The following ITGA9 variants were observed in gnomAD, a reference collection of about 807,000 sequenced individuals.
The protein encoded by ITGA9 is integrin subunit alpha 9, also known as integrin alpha-9.
Under a neutral mutation model 127.8 loss-of-function variants are expected in ITGA9, and 56 were observed. The ratio of observed to expected loss-of-function variants is 0.44; its 90% CI spans 0.35 to 0.55. The LOEUF is 0.55. Among genes scored for constraint, ITGA9 ranks in the 20% least tolerant of loss-of-function variants. ITGA9 has a pLI of 0.00. For synonymous variants in ITGA9, 508 were observed against 514.5 expected (o/e 0.99, Z 0.17); for missense variants, 1,196 against 1,347.1 (o/e 0.89, Z 1.76).
chr3:37,510,226 G>C (rs1278333963), intron 8 of ITGA9, among the ~76,000 whole-genome samples: 2 of 151,760 alleles, frequency 1.3e-5, no homozygotes, highest in African/African-American at 2.4e-5. Flanking sequence ...GCTGGTCTCA[G>C]ACTCCTGGGC....
At chr3:37,640,038 C>T (rs917981333) in intron 16 of ITGA9, among the ~76,000 whole-genome samples, 2 of 152,168 alleles carry the variant, frequency 1.3e-5, no homozygotes, top group East Asian at 3.8e-4. Flanking sequence ...CATCAGCAGG[C>T]CCCCAAAGAG....
chr3:37,676,336 C>T (rs1277362687), intron 17 of ITGA9, among the ~76,000 whole-genome samples: 1 of 152,156 alleles, frequency 6.6e-6, no homozygotes, highest in Admixed American at 6.5e-5. Flanking sequence ...ATTTTAAGCG[C>T]TCAAATGCCA....
chr3:37,794,186 C>T (rs937715820), intron 26 of ITGA9, among the ~76,000 whole-genome samples: 2 of 152,244 alleles, frequency 1.3e-5, no homozygotes, highest in African/African-American at 2.4e-5. Context: ...CTAGGCACTA[C>T]AACTTCCATC....
At chr3:37,510,758 T>C (rs1204690294) in intron 8 of ITGA9, among the ~76,000 whole-genome samples, 1 of 152,132 alleles carries the variant, frequency 6.6e-6, no homozygotes, top group Non-Finnish European at 1.5e-5. Flanking sequence ...CATTTGACTT[T>C]TTCTTTTCTT....
intron 21 of ITGA9, 132 bp downstream of exon 21, chr3:37,741,951 A>G: frequency 1.4e-6 from 1 of 734,248 alleles, no homozygotes; most frequent in Non-Finnish European, 2.5e-6. Flanking sequence ...CAGCCTTGAA[A>G]AGCAGGATGA....
At chr3:37,453,766 GTGGA>G (rs774422451) in intron 1 of ITGA9, among the ~76,000 whole-genome samples, 9 of 152,258 alleles carry the variant, frequency 5.9e-5, no homozygotes, top group Non-Finnish European at 1.2e-4. Flanking sequence ...AGGGTGGTTT[GTGGA>G]TCGCAGTACT....
intron 17 of ITGA9, among the ~76,000 whole-genome samples, chr3:37,655,073 T>G (rs2125648277): frequency 6.6e-6 from 1 of 152,348 alleles, no homozygotes; most frequent in African/African-American, 2.4e-5. Context: ...GTGCCACATT[T>G]TCTTTATCCA....
Position 37,481,612 on chromosome 3 carries a change from G to A in ITGA9, c.544+5G>A, listed in dbSNP as rs1440376488. The A allele has an allele frequency of 2.5e-6, 4 of 1,614,150 alleles. No individual in the cohort carries two copies. Among genetic ancestry groups the A allele is most frequent in the African/African-American group, 2.7e-5 (2 of 75,024 alleles). ...CGCTGATCCCTTGCTATGAAGGTGA[G>A]CATGGATTGATTTTTCCTCATCCCC... On this transcript the variant is annotated splice_donor_5th_base_variant and intron_variant, in intron 4 of 27. Coordinates refer to ENST00000264741, the MANE Select transcript of ITGA9 (RefSeq NM_002207.3).
rs145092492 is a variant in ITGA9, at chr3:37,494,637, G to A, written c.612+69G>A. 626 of 1,358,984 alleles carry A rather than the reference G, an allele frequency of 4.6e-4. 4 individuals carry two copies. In the African/African-American group the frequency reaches 7.9e-3, roughly 17 times the overall value. The allele number at this position is 1,358,984 out of a possible 1,614,324, so 84.2% of individuals were successfully genotyped here. On this transcript the variant is annotated intron_variant, in intron 5 of 27. Transcript: ENST00000264741. ...TCATTTCCTTGCTTATATGATTTTG[G>A]CAACCCTTAGAGGTGGGACTTCTGG...
intron 1 of ITGA9, among the ~76,000 whole-genome samples, chr3:37,456,453 G>A (rs1698258752): frequency 6.6e-6 from 1 of 152,118 alleles, no homozygotes; most frequent in Admixed American, 6.5e-5. Flanking sequence ...GCTGACAACT[G>A]TAACACCCTG....
At chr3:37,606,857 C>T (rs1164540069) in intron 15 of ITGA9, among the ~76,000 whole-genome samples, 1 of 151,820 alleles carries the variant, frequency 6.6e-6, no homozygotes, top group Non-Finnish European at 1.5e-5. Flanking sequence ...TTTGTCACTT[C>T]CTACTCTTGG....
At chr3:37,792,903 T>G (rs1697128470) in intron 26 of ITGA9, among the ~76,000 whole-genome samples, 1 of 152,110 alleles carries the variant, frequency 6.6e-6, no homozygotes. Flanking sequence ...ATGCTTATCC[T>G]GGAGGGCTGG....
At chr3:37,642,269 G>A (rs1031979748) in intron 16 of ITGA9, among the ~76,000 whole-genome samples, 4 of 152,118 alleles carry the variant, frequency 2.6e-5, no homozygotes, top group African/African-American at 9.7e-5. Flanking sequence ...TGATTCCTTC[G>A]TGACATCTAA....
At chr3:37,787,958 T>C (rs1166823664) in intron 26 of ITGA9, among the ~76,000 whole-genome samples, 2 of 152,232 alleles carry the variant, frequency 1.3e-5, no homozygotes, top group Non-Finnish European at 2.9e-5. Flanking sequence ...TGTGATCTTT[T>C]TTAATAGGAG....
chr3:37,574,234 A>G (rs946631320), intron 15 of ITGA9, among the ~76,000 whole-genome samples: 2 of 152,184 alleles, frequency 1.3e-5, no homozygotes, highest in African/African-American at 4.8e-5. Context: ...AAGACTGTTA[A>G]TAGTGTATTT....
Position 37,506,859 on chromosome 3 carries a change from G to A in ITGA9, c.828+774G>A, listed in dbSNP as rs114703194. 7.1e-3 allele frequency among the ~76,000 whole-genome samples: 1,079 copies of A among 152,310 alleles called. 8 individuals carry two copies. The highest frequency in any genetic ancestry group is 0.024 in the African/African-American group (1,002 of 41,558). ...GAACTTTGGATCTGGACCTTTAGGGGTAGACCTGTGATAGAGTCTGGTCAT... is the reference window on the plus strand; with the variant it reads ...GAACTTTGGATCTGGACCTTTAGGGATAGACCTGTGATAGAGTCTGGTCAT... On this transcript the variant is annotated intron_variant, in intron 7 of 27. Coordinates refer to ENST00000264741, the MANE Select transcript of ITGA9 (RefSeq NM_002207.3).
intron 25 of ITGA9, among the ~76,000 whole-genome samples, chr3:37,783,032 G>A (rs1276321427): frequency 6.6e-6 from 1 of 152,042 alleles, no homozygotes. Flanking sequence ...TCAGCTACTC[G>A]GGAGGCTGAG....
chr3:37,517,512 C>G lies in ITGA9; in HGVS notation c.1044C>G (p.Leu348=). The G allele has an allele frequency of 6.3e-7, 1 of 1,590,058 alleles. No individual in the cohort carries two copies. The highest frequency in any genetic ancestry group is 2.3e-5 in the East Asian group (1 of 43,980). ...TCCATCCTGTTTCCCAGGGAGCCCT[C>G]GAGGAGCAGCTGGCTCTGACTGGGG... The part of the protein sequence containing the change: ...TVYINRGNGA[L]EEQLALTGDG... Residue 348 remains leucine (L), a synonymous_variant, in exon 10 of 28, where the codon CTC becomes CTG. Transcript: ENST00000264741.
At chr3:37,477,859 T>C (rs1392221785) in intron 3 of ITGA9, among the ~76,000 whole-genome samples, 2 of 152,192 alleles carry the variant, frequency 1.3e-5, no homozygotes, top group African/African-American at 2.4e-5. Context: ...TCTTTGTCAT[T>C]TCCTTTCTAA....
Sources: gnomAD v4.1 joint callset for allele counts (sites outside exome capture counted in the v4.1 genomes callset) on GRCh38, gnomAD v4.1.1 for gene constraint, MANE v1.5 for transcripts, NCBI Gene and HGNC (gene_info 2026-07-23, HGNC 2026-07-21) for gene names.